The following CCDC148 variants were observed in gnomAD, a reference collection of about 807,000 sequenced individuals.
The protein encoded by CCDC148 is coiled-coil domain containing 148, also known as coiled-coil domain-containing protein 148.
In CCDC148, 89 loss-of-function variants were observed where a neutral mutation model predicts 85.7. The ratio of observed to expected loss-of-function variants is 1.04; its 90% CI spans 0.87 to 1.24. The LOEUF is 1.24. CCDC148 is among the 50% of genes most tolerant of loss of function. The probability of loss-of-function intolerance (pLI) is 0.00; values close to 1 mark genes in which losing one functional copy is unlikely to be tolerated. For synonymous variants in CCDC148, 230 were observed against 213.9 expected, an observed-to-expected ratio of 1.08 and a Z score of -0.66; for missense variants, 692 against 671.7, an observed-to-expected ratio of 1.03 and a Z score of -0.33.
intron 11 of CCDC148, among the ~76,000 whole-genome samples, chr2:158,211,467 T>C (rs1686574150): frequency 6.6e-6 from 1 of 152,244 alleles, no homozygotes. Context: ...TATTTCTGAT[T>C]GTTGTCTGAC....
intron 11 of CCDC148, among the ~76,000 whole-genome samples, chr2:158,182,792 T>C (rs1684966883): frequency 6.6e-6 from 1 of 152,166 alleles, no homozygotes; most frequent in South Asian, 2.1e-4. Context: ...TCTTCTACTC[T>C]GGATAGAAAA....
rs75651667 is a variant in CCDC148 at position 158,343,212 on chromosome 2, G to C, written c.251+2003C>G. On this transcript the variant is annotated intron_variant, in intron 3 of 13. Coordinates refer to ENST00000283233, the MANE Select transcript of CCDC148 (RefSeq NM_138803.4). Reference sequence around the variant, plus strand: ...AATTTCTTTTATTTTTGCCAGCAAGGCTAGACCAATTGCATCTCAGGTGAT... The same window carrying C: ...AATTTCTTTTATTTTTGCCAGCAAGCCTAGACCAATTGCATCTCAGGTGAT... 3.7e-3 allele frequency among the ~76,000 whole-genome samples: 558 copies of C among 152,158 alleles called. 17 individuals carry two copies. In the East Asian group the frequency reaches 0.078, roughly 21 times the overall value.
chr2:158,307,895 C>G (rs959075486), intron 9 of CCDC148, among the ~76,000 whole-genome samples: 1 of 152,032 alleles, frequency 6.6e-6, no homozygotes, highest in Non-Finnish European at 1.5e-5. Flanking sequence ...TGAGAAGAGG[C>G]ACTAAGTGGT....
At chr2:158,446,006 T>C (rs900977041) in intron 1 of CCDC148, among the ~76,000 whole-genome samples, 26 of 152,244 alleles carry the variant, frequency 1.7e-4, no homozygotes, top group Admixed American at 3.3e-4. Flanking sequence ...GGAAAAAATA[T>C]GGAAGAAGTA....
At chr2:158,351,605 C>A (rs1288738802) in intron 2 of CCDC148, among the ~76,000 whole-genome samples, 1 of 152,210 alleles carries the variant, frequency 6.6e-6, no homozygotes, top group African/African-American at 2.4e-5. Flanking sequence ...ATTGCTAGCA[C>A]AGCAGTCTGA....
chr2:158,233,605 T>C (rs972560259), intron 10 of CCDC148, among the ~76,000 whole-genome samples: 1 of 151,898 alleles, frequency 6.6e-6, no homozygotes, highest in African/African-American at 2.4e-5. Context: ...TATCAGCTCA[T>C]ATGAATCCAA....
chr2:158,226,946 T>A (rs1231263882), intron 10 of CCDC148, among the ~76,000 whole-genome samples: 1 of 152,130 alleles, frequency 6.6e-6, no homozygotes, highest in Non-Finnish European at 1.5e-5. Context: ...GTGTTGGAAG[T>A]TCTGACAAGG....
chr2:158,337,689 C>G (rs1380641630), intron 7 of CCDC148, among the ~76,000 whole-genome samples: 1 of 151,988 alleles, frequency 6.6e-6, no homozygotes, highest in East Asian at 1.9e-4. Flanking sequence ...AAAAAGGGGT[C>G]CAACTTCAGG....
chr2:158,342,026 C>CTTTTTTT (rs1159799812), intron 3 of CCDC148, among the ~76,000 whole-genome samples: 2 of 62,660 alleles, frequency 3.2e-5, no homozygotes, highest in Admixed American at 2.8e-4. Context: ...ATTTTCTTTT[C>CTTTTTTT]TTTTTTTTTT....
chr2:158,204,432 A>T (rs925434175), intron 11 of CCDC148, among the ~76,000 whole-genome samples: 2 of 152,132 alleles, frequency 1.3e-5, no homozygotes, highest in African/African-American at 2.4e-5. Context: ...GAAAGCTATA[A>T]GGCTTCTGCC....
chr2:158,281,529 GA>G (rs1364909962), intron 9 of CCDC148, among the ~76,000 whole-genome samples: 2 of 152,044 alleles, frequency 1.3e-5, no homozygotes, highest in East Asian at 3.9e-4. Context: ...AAATCCAGAA[GA>G]AATGGATAAA....
chr2:158,299,036 A>G (rs925178616), intron 9 of CCDC148, among the ~76,000 whole-genome samples: 3 of 152,192 alleles, frequency 2.0e-5, no homozygotes, highest in Non-Finnish European at 4.4e-5. Flanking sequence ...AATCTCCTGA[A>G]TTTTACTGAT....
At chr2:158,371,047 G>T (rs555322911) in intron 1 of CCDC148, among the ~76,000 whole-genome samples, 2 of 151,942 alleles carry the variant, frequency 1.3e-5, no homozygotes, top group South Asian at 4.2e-4. Context: ...ATAGGAAGAA[G>T]AAAAACACAG....
intron 11 of CCDC148, chr2:158,207,743 G>A (rs1205075991): frequency 6.6e-6 from 1 of 152,080 alleles, no homozygotes; most frequent in African/African-American, 2.4e-5. Flanking sequence ...TGTATGCCAG[G>A]GATAAAAGTC....
chr2:158,229,200 G>A (rs988837968), intron 10 of CCDC148, among the ~76,000 whole-genome samples: 11 of 152,042 alleles, frequency 7.2e-5, no homozygotes, highest in Non-Finnish European at 1.2e-4. Context: ...AGTTCCAACT[G>A]TGTAATCTTG....
At chr2:158,228,555 A>C (rs190347908) in intron 10 of CCDC148, among the ~76,000 whole-genome samples, 7 of 152,236 alleles carry the variant, frequency 4.6e-5, no homozygotes, top group Admixed American at 2.6e-4. Flanking sequence ...CTTGGAACCA[A>C]CCCAAATGTC....
intron 1 of CCDC148, among the ~76,000 whole-genome samples, chr2:158,436,102 G>C (rs1001619186): frequency 6.6e-6 from 1 of 152,172 alleles, no homozygotes; most frequent in Non-Finnish European, 1.5e-5. Context: ...CCCAGGAATT[G>C]AACTCAACTC....
At chr2:158,180,996 A>C (rs1684873999) in intron 11 of CCDC148, among the ~76,000 whole-genome samples, 1 of 152,008 alleles carries the variant, frequency 6.6e-6, no homozygotes, top group Non-Finnish European at 1.5e-5. Context: ...TCTATTTCTC[A>C]TTCTCTCCAC....
At chr2:158,264,608 G>A (rs901974262) in intron 9 of CCDC148, among the ~76,000 whole-genome samples, 3 of 151,872 alleles carry the variant, frequency 2.0e-5, no homozygotes, top group Admixed American at 6.6e-5. Context: ...AGTGGGGAGG[G>A]GAGGCAAAGG....
Sources: gnomAD v4.1 joint callset for allele counts (sites outside exome capture counted in the v4.1 genomes callset) on GRCh38, gnomAD v4.1.1 for gene constraint, MANE v1.5 for transcripts, NCBI Gene and HGNC (gene_info 2026-07-23, HGNC 2026-07-21) for gene names.